The following TBC1D22A variants were observed in gnomAD, a reference collection of about 807,000 sequenced individuals.
The protein encoded by TBC1D22A is TBC1 domain family member 22A, also known as putative GTPase activator.
In TBC1D22A, 38 loss-of-function variants were observed where a neutral mutation model predicts 60.2. That is an observed-to-expected ratio of 0.63 (90% CI 0.49 to 0.83). TBC1D22A has a LOEUF of 0.83. Ranked by LOEUF, TBC1D22A falls within the 40% of genes least tolerant of loss-of-function variation. The pLI is 0.00. For synonymous variants in TBC1D22A, 302 were observed against 281.7 expected (o/e 1.07, Z -0.72); for missense variants, 628 against 701.0 (o/e 0.90, Z 1.18).
intron 12 of TBC1D22A, among the ~76,000 whole-genome samples, chr22:47,154,254 T>C (rs977462613): frequency 1.2e-4 from 18 of 152,198 alleles, no homozygotes; most frequent in Middle Eastern, 3.4e-3. Flanking sequence ...ACTCTGCGCT[T>C]TTGAGAGCTG....
At chr22:46,880,270 A>T (rs952745420) in intron 5 of TBC1D22A, among the ~76,000 whole-genome samples, 2 of 152,210 alleles carry the variant, frequency 1.3e-5, no homozygotes, top group African/African-American at 4.8e-5. Context: ...TAGGTGATAC[A>T]CGAATGGTTA....
chr22:46,769,199 T>A (rs183826694), intron 1 of TBC1D22A, among the ~76,000 whole-genome samples: 2 of 148,396 alleles, frequency 1.3e-5, no homozygotes, highest in East Asian at 4.0e-4. Context: ...CACAAGAGGG[T>A]TCTTAGTGAT....
At chr22:46,906,358 G>T (rs1447348400) in intron 7 of TBC1D22A, among the ~76,000 whole-genome samples, 1 of 152,214 alleles carries the variant, frequency 6.6e-6, no homozygotes, top group Non-Finnish European at 1.5e-5. Context: ...GCACAGCTCT[G>T]TGTGGTTTGT....
chr22:46,904,155 C>CTACCTACCTACA (rs2069266196), intron 7 of TBC1D22A, among the ~76,000 whole-genome samples: 1 of 122,884 alleles, frequency 8.1e-6, no homozygotes, highest in African/African-American at 2.9e-5. Context: ...ACCTACCTAC[C>CTACCTACCTACA]TACCTACCTA....
At chr22:47,065,855 G>A (rs1039407541) in intron 11 of TBC1D22A, among the ~76,000 whole-genome samples, 2 of 152,170 alleles carry the variant, frequency 1.3e-5, no homozygotes, top group Non-Finnish European at 2.9e-5. Flanking sequence ...CCAGCTGTGC[G>A]TGGGGTGGGA....
At chr22:46,907,302 A>C (rs913852381) in intron 7 of TBC1D22A, among the ~76,000 whole-genome samples, 1 of 151,930 alleles carries the variant, frequency 6.6e-6, no homozygotes, top group Non-Finnish European at 1.5e-5. Flanking sequence ...CTTTCAATGG[A>C]GTTACTTCTG....
intron 10 of TBC1D22A, among the ~76,000 whole-genome samples, chr22:47,007,114 T>C (rs1309231310): frequency 6.6e-6 from 1 of 152,152 alleles, no homozygotes; most frequent in Non-Finnish European, 1.5e-5. Flanking sequence ...AAAGGCGCTA[T>C]CAGAATCCCA....
intron 12 of TBC1D22A, among the ~76,000 whole-genome samples, chr22:47,132,841 A>G (rs1255353783): frequency 6.6e-6 from 1 of 152,244 alleles, no homozygotes. Context: ...CGGAAACGCC[A>G]TGTGATCTAA....
At chr22:47,016,388 C>G (rs1039243375) in intron 10 of TBC1D22A, among the ~76,000 whole-genome samples, 5 of 152,140 alleles carry the variant, frequency 3.3e-5, no homozygotes, top group South Asian at 4.2e-4. Flanking sequence ...GCTGGCTGGC[C>G]CTCCCCCAAG....
intron 4 of TBC1D22A, among the ~76,000 whole-genome samples, chr22:46,821,053 C>CTTT (rs139587): frequency 3.2e-5 from 4 of 123,958 alleles, no homozygotes; most frequent in African/African-American, 1.2e-4. Flanking sequence ...GCAACCCCTG[C>CTTT]TTTTTTTTTT....
At position 47,048,790 on chromosome 22, in the gene TBC1D22A, G is replaced by A. The variant is rs147162987; in HGVS notation, c.1329+11592G>A. ...TCTGGGGGGAGGTGGGGCACCTGCC[G>A]CACCGTAATCAGGAGCAATGTAGGG... On this transcript the variant is annotated intron_variant, in intron 11 of 12. Transcript: ENST00000337137. 6.5e-3 allele frequency among the ~76,000 whole-genome samples: 989 copies of A among 152,274 alleles called. 10 individuals are homozygous for A. Among genetic ancestry groups the A allele is most frequent in the African/African-American group, 0.021 (887 of 41,556 alleles).
At chr22:46,920,932 G>A (rs560513686) in intron 8 of TBC1D22A, among the ~76,000 whole-genome samples, 20 of 151,628 alleles carry the variant, frequency 1.3e-4, no homozygotes, top group African/African-American at 2.7e-4. Context: ...CACCATGCCC[G>A]GCTAATTTTT....
At position 46,974,316 on chromosome 22, in the gene TBC1D22A, G is replaced by T; in HGVS notation, c.1042G>T (p.Val348Phe). The T allele has an allele frequency of 6.2e-7, 1 of 1,602,502 alleles. No individual in the cohort carries two copies. The highest frequency in any genetic ancestry group is 8.5e-7 in the Non-Finnish European group (1 of 1,174,826). ...GGCAGAGGAGGTGGACACGGTGGACGTCTCCGGCGTGCCCGCAGAGGTGCT... is the reference window on the plus strand; with the variant it reads ...GGCAGAGGAGGTGGACACGGTGGACTTCTCCGGCGTGCCCGCAGAGGTGCT... The part of the protein sequence containing the change: ...IEAEEVDTVD[V>F]SGVPAEVLCN... Residue 348 changes from valine (V) to phenylalanine (F), a missense_variant, in exon 9 of 13, where the codon GTC becomes TTC. Coordinates refer to ENST00000337137, the MANE Select transcript of TBC1D22A (RefSeq NM_014346.5).
Position 47,037,209 on chromosome 22 carries a change from C to G in TBC1D22A, c.1329+11C>G. ...TGGGACACCTACCAGGTGAGCTCTC[C>G]TTCGCACCCTCCGCCATGGGGGTGC... On this transcript the variant is annotated intron_variant, in intron 11 of 12. Coordinates refer to ENST00000337137, the MANE Select transcript of TBC1D22A (RefSeq NM_014346.5). The G allele has an allele frequency of 6.2e-7, 1 of 1,612,562 alleles. No individual in the cohort carries two copies. Among genetic ancestry groups the G allele is most frequent in the Non-Finnish European group, 8.5e-7 (1 of 1,179,408 alleles).
intron 12 of TBC1D22A, among the ~76,000 whole-genome samples, chr22:47,120,271 T>C (rs1161212884): frequency 1.3e-5 from 2 of 152,172 alleles, no homozygotes; most frequent in Admixed American, 1.3e-4. Flanking sequence ...ATTAACATGC[T>C]AAGAACATTT....
At chr22:46,770,172 C>T (rs2083437386) in intron 1 of TBC1D22A, among the ~76,000 whole-genome samples, 1 of 152,164 alleles carries the variant, frequency 6.6e-6, no homozygotes. Context: ...CCACCCACAG[C>T]GGCTGGCTTT....
At chr22:47,139,795 C>G (rs1295475995) in intron 12 of TBC1D22A, among the ~76,000 whole-genome samples, 1 of 152,246 alleles carries the variant, frequency 6.6e-6, no homozygotes, top group Non-Finnish European at 1.5e-5. Context: ...AAGCCCCGCT[C>G]TCACTGCCTC....
rs529465768 is a variant in TBC1D22A at position 46,772,616 on chromosome 22, A to G, written c.62+9768A>G. Among the ~76,000 whole-genome samples the G allele has an allele frequency of 2.7e-4, 38 of 139,312 alleles. 6 individuals are homozygous for G. The highest frequency in any genetic ancestry group is 8.4e-4 in the East Asian group (4 of 4,768). The allele number at this position is 139,312 out of a possible 152,430, so 91.4% of individuals were successfully genotyped here. ...TGTATACACACATATACATATATAC[A>G]TATATACACAAACACACATGCACCG... On this transcript the variant is annotated intron_variant, in intron 1 of 12. Coordinates refer to ENST00000337137, the MANE Select transcript of TBC1D22A (RefSeq NM_014346.5).
At chr22:46,984,550 C>G (rs552128526) in intron 9 of TBC1D22A, among the ~76,000 whole-genome samples, 1 of 152,166 alleles carries the variant, frequency 6.6e-6, no homozygotes, top group South Asian at 2.1e-4. Flanking sequence ...TCCATATTTG[C>G]CTACCCTGAA....
Sources: gnomAD v4.1 joint callset for allele counts (sites outside exome capture counted in the v4.1 genomes callset) on GRCh38, gnomAD v4.1.1 for gene constraint, MANE v1.5 for transcripts, NCBI Gene and HGNC (gene_info 2026-07-23, HGNC 2026-07-21) for gene names.